Variants in ASB3 observed in about 807,000 individuals in gnomAD.
ASB3 encodes ankyrin repeat and SOCS box protein 3.
Under a neutral mutation model 54.5 loss-of-function variants are expected in ASB3, and 41 were observed. The ratio of observed to expected loss-of-function variants is 0.75; its 90% CI spans 0.59 to 0.98. ASB3 has a LOEUF of 0.98. ASB3 is among the 50% of genes least tolerant of loss of function. The pLI is 0.00. For missense variants in ASB3, 733 were observed against 620.0 expected, an observed-to-expected ratio of 1.18 and a Z score of -1.94; for synonymous variants, 266 against 221.2, an observed-to-expected ratio of 1.20 and a Z score of -1.80.
intron 1 of ASB3, among the ~76,000 whole-genome samples, chr2:53,778,294 ATTTTT>A (rs1674459003): frequency 6.6e-6 from 1 of 151,348 alleles, no homozygotes; most frequent in Admixed American, 6.6e-5. Context: ...TTTGCTTTTT[ATTTTT>A]TAATTATAAA....
chr2:53,752,902 T>A (rs771810637), intron 2 of ASB3, among the ~76,000 whole-genome samples: 7 of 152,078 alleles, frequency 4.6e-5, no homozygotes, highest in Non-Finnish European at 7.4e-5. Flanking sequence ...GATGTTACAT[T>A]ACAGAAGCCA....
intron 9 of ASB3, among the ~76,000 whole-genome samples, chr2:53,678,532 T>C (rs1668203144): frequency 6.6e-6 from 1 of 152,344 alleles, no homozygotes; most frequent in East Asian, 1.9e-4. Flanking sequence ...AATATCATTA[T>C]AGGTGCACTA....
intron 1 of ASB3, among the ~76,000 whole-genome samples, chr2:53,777,556 G>A (rs1022750874): frequency 1.3e-5 from 2 of 152,010 alleles, no homozygotes; most frequent in Admixed American, 1.3e-4. Flanking sequence ...GTTACATGAA[G>A]GCATCTCCAG....
At chr2:53,745,473 G>C (rs3770394) in intron 3 of ASB3, among the ~76,000 whole-genome samples, 15,457 of 152,132 alleles carry the variant, frequency 0.1, 925 homozygotes, top group East Asian at 0.15. Flanking sequence ...AAATGTTGGT[G>C]AGCTCTGTGT....
chr2:53,765,766 C>A (rs1673410547), intron 1 of ASB3, among the ~76,000 whole-genome samples, 181 bp from the exon 2 acceptor site: 2 of 152,206 alleles, frequency 1.3e-5, no homozygotes. Flanking sequence ...GGAAGTTTCT[C>A]TGTTTGGCAG....
chr2:53,729,015 G>A (rs945823600), intron 4 of ASB3, among the ~76,000 whole-genome samples, 168 bp from the exon 5 acceptor site: 1 of 151,622 alleles, frequency 6.6e-6, no homozygotes, highest in Admixed American at 6.6e-5. Context: ...TTGGCCAAAC[G>A]ATCAGATTAT....
intron 9 of ASB3, among the ~76,000 whole-genome samples, chr2:53,674,907 T>C (rs1488556452): frequency 6.6e-6 from 1 of 151,908 alleles, no homozygotes; most frequent in African/African-American, 2.4e-5. Context: ...GTCAAAACAA[T>C]AGGAATGGCC....
intron 9 of ASB3, among the ~76,000 whole-genome samples, chr2:53,680,280 G>A (rs1305351385): frequency 6.6e-6 from 1 of 152,132 alleles, no homozygotes; most frequent in Non-Finnish European, 1.5e-5. Flanking sequence ...TTGCTGGATC[G>A]AACAGTATGT....
intron 7 of ASB3, among the ~76,000 whole-genome samples, chr2:53,708,702 C>T (rs984449951): frequency 8.5e-5 from 13 of 152,202 alleles, no homozygotes; most frequent in Admixed American, 3.9e-4. Context: ...AAAAGCAGAA[C>T]TTACTGGGAA....
intron 8 of ASB3, among the ~76,000 whole-genome samples, chr2:53,695,487 A>ATTT (rs555196787): frequency 1.4e-5 from 2 of 147,144 alleles, no homozygotes; most frequent in African/African-American, 2.5e-5. Context: ...CTGGTTCTTT[A>ATTT]TTTTTTTTTT....
chr2:53,720,429 C>G (rs1392033929), intron 5 of ASB3, among the ~76,000 whole-genome samples: 1 of 152,084 alleles, frequency 6.6e-6, no homozygotes, highest in African/African-American at 2.4e-5. Context: ...CACAGCAACA[C>G]AGTGAGACCC....
At chr2:53,685,026 T>C (rs981346925) in intron 9 of ASB3, among the ~76,000 whole-genome samples, 5 of 152,170 alleles carry the variant, frequency 3.3e-5, no homozygotes, top group East Asian at 3.8e-4. Flanking sequence ...AGTACTAATA[T>C]GCAGTACTCA....
At chr2:53,755,628 T>C (rs1303336491) in intron 2 of ASB3, among the ~76,000 whole-genome samples, 1 of 152,196 alleles carries the variant, frequency 6.6e-6, no homozygotes, top group South Asian at 2.1e-4. Flanking sequence ...AAAGGTTATA[T>C]ATAAAATAAT....
At chr2:53,781,459 C>T (rs1365518987) in intron 1 of ASB3, among the ~76,000 whole-genome samples, 6 of 151,366 alleles carry the variant, frequency 4.0e-5, no homozygotes, top group Admixed American at 3.3e-4. Flanking sequence ...CATTTTGTAC[C>T]TCCATTGGTA....
At chr2:53,711,867 CT>C (rs1191867210) in intron 7 of ASB3, among the ~76,000 whole-genome samples, 1 of 151,728 alleles carries the variant, frequency 6.6e-6, no homozygotes, top group Non-Finnish European at 1.5e-5. Context: ...GCTTTTGTTC[CT>C]TTGAGAGTCC....
intron 2 of ASB3, 92 bp from the exon 3 acceptor site, chr2:53,751,033 A>G (rs1045103229): frequency 1.5e-6 from 2 of 1,349,380 alleles, no homozygotes; most frequent in African/African-American, 3.0e-5. Flanking sequence ...TTAATGAACT[A>G]TTAAAATGTA....
chr2:53,717,256 A>C (rs1015520089), intron 5 of ASB3, among the ~76,000 whole-genome samples: 3 of 152,232 alleles, frequency 2.0e-5, no homozygotes, highest in African/African-American at 7.2e-5. Flanking sequence ...AATATTTCTG[A>C]TAACTGCTGA....
intron 9 of ASB3, among the ~76,000 whole-genome samples, chr2:53,689,671 G>C (rs1393769067): frequency 1.3e-5 from 2 of 152,022 alleles, no homozygotes; most frequent in African/African-American, 2.4e-5. Context: ...TCAAAACTAG[G>C]GCATTGCTCA....
At chr2:53,725,678 C>G (rs971426085) in intron 5 of ASB3, among the ~76,000 whole-genome samples, 8 of 152,228 alleles carry the variant, frequency 5.3e-5, no homozygotes, top group South Asian at 2.1e-4. Flanking sequence ...AGATCATCAT[C>G]AAGACGGAAA....
Sources: allele counts gnomAD v4.1 joint callset (sites outside exome capture counted in the v4.1 genomes callset), GRCh38; gene constraint gnomAD v4.1.1; transcripts MANE v1.5; gene names NCBI Gene and HGNC (gene_info 2026-07-23, HGNC 2026-07-21).